The following NKAIN3 variants were observed in gnomAD, a reference collection of about 807,000 sequenced individuals.
The protein encoded by NKAIN3 is sodium/potassium-transporting ATPase subunit beta-1-interacting protein 3.
A neutral mutation model predicts 30.2 loss-of-function variants in NKAIN3; 25 were observed. The observed-to-expected ratio is 0.83, with a 90% confidence interval of 0.60 to 1.16. NKAIN3 has a LOEUF of 1.16. NKAIN3 is among the 50% of genes most tolerant of loss of function. NKAIN3 has a pLI of 0.00. For missense variants in NKAIN3, 225 were observed against 254.1 expected, an observed-to-expected ratio of 0.89 and a Z score of 0.78; for synonymous variants, 91 against 89.6, an observed-to-expected ratio of 1.02 and a Z score of -0.09.
chr8:62,412,657 G>GTAATCCCA (rs1804281170), intron 1 of NKAIN3, among the ~76,000 whole-genome samples: 2 of 151,922 alleles, frequency 1.3e-5, no homozygotes, highest in Non-Finnish European at 2.9e-5. Flanking sequence ...CACTTTGGGA[G>GTAATCCCA]GCAGAGGCGG....
intron 1 of NKAIN3, among the ~76,000 whole-genome samples, chr8:62,429,483 T>C (rs144713339): frequency 6.6e-6 from 1 of 152,098 alleles, no homozygotes; most frequent in Non-Finnish European, 1.5e-5. Context: ...ATGATCTTTT[T>C]AATAGGTTAT....
chr8:62,823,924 C>T (rs1413618971), intron 4 of NKAIN3, among the ~76,000 whole-genome samples: 1 of 152,140 alleles, frequency 6.6e-6, no homozygotes, highest in Non-Finnish European at 1.5e-5. Context: ...TGGAAAGTTT[C>T]ATACAAGAAA....
At chr8:62,984,906 A>G (rs1030305660), downstream of NKAIN3, 2 of 152,224 alleles carry the variant, frequency 1.3e-5, no homozygotes, top group African/African-American at 4.8e-5. Flanking sequence ...GAAGTACAAG[A>G]TGACTACTGT....
intron 1 of NKAIN3, among the ~76,000 whole-genome samples, chr8:62,424,648 CAT>C (rs1272040761): frequency 6.6e-6 from 1 of 151,608 alleles, no homozygotes; most frequent in Non-Finnish European, 1.5e-5. Context: ...ATCCCAAAAA[CAT>C]AACAAGTATT....
At chr8:62,838,410 C>T (rs1819436170) in intron 4 of NKAIN3, among the ~76,000 whole-genome samples, 1 of 151,692 alleles carries the variant, frequency 6.6e-6, no homozygotes, top group South Asian at 2.1e-4. Flanking sequence ...TTAGGTGGGA[C>T]ATTTAGAAGA....
At chr8:62,518,840 T>C (rs1312802263) in intron 1 of NKAIN3, among the ~76,000 whole-genome samples, 4 of 152,036 alleles carry the variant, frequency 2.6e-5, no homozygotes, top group African/African-American at 9.7e-5. Context: ...GTGACCTGGA[T>C]TCTAGCTCAG....
At chr8:62,467,823 T>C (rs545630551) in intron 1 of NKAIN3, among the ~76,000 whole-genome samples, 24 of 152,158 alleles carry the variant, frequency 1.6e-4, no homozygotes, top group Non-Finnish European at 2.9e-4. Context: ...TGGAGTGCAG[T>C]GGCACGAGCT....
intron 1 of NKAIN3, among the ~76,000 whole-genome samples, chr8:62,471,525 G>A (rs1457294779): frequency 6.6e-6 from 1 of 152,134 alleles, no homozygotes; most frequent in East Asian, 1.9e-4. Context: ...CTGATACAAT[G>A]CCTTATATGC....
Position 62,393,953 on chromosome 8 carries a change from G to A in NKAIN3, c.54+144826G>A, listed in dbSNP as rs561772416. On this transcript the variant is annotated intron_variant, in intron 1 of 6. Coordinates refer to ENST00000623646, the MANE Select transcript of NKAIN3 (RefSeq NM_001304533.3). ...GCATGTTAGTTTATATCTTGAGAAT[G>A]TGTTAGACTCATTAGCTTTAGGAAG... 2.0e-4 allele frequency among the ~76,000 whole-genome samples: 31 copies of A among 152,228 alleles called. No individual in the cohort carries two copies. In the Middle Eastern group the frequency reaches 0.01, roughly 50 times the overall value.
chr8:62,983,522 CACATTT>C lies in NKAIN3; in HGVS notation c.*18116_*18121del, dbSNP rs1824132625. ...GGGAGTGATAAAAACAAATCAAATT[CACATTT>C]TAATTTAGGGAGTTTAGGAGATACA... On this transcript the variant is annotated 3_prime_UTR_variant, in exon 7 of 7. Coordinates refer to ENST00000623646, the MANE Select transcript of NKAIN3 (RefSeq NM_001304533.3). The C allele has an allele frequency of 1.3e-5, 2 of 152,184 alleles. No individual in the cohort carries two copies. Among genetic ancestry groups the C allele is most frequent in the African/African-American group, 4.8e-5 (2 of 41,436 alleles). The allele number at this position is 152,184 out of a possible 1,614,324, so 9.4% of individuals were successfully genotyped here.
intron 1 of NKAIN3, among the ~76,000 whole-genome samples, chr8:62,394,270 G>T (rs1273011399): frequency 6.6e-6 from 1 of 151,930 alleles, no homozygotes; most frequent in Admixed American, 6.6e-5. Context: ...CATGAATGGT[G>T]CTGAATCTTG....
At chr8:62,272,955 T>A (rs891812608) in intron 1 of NKAIN3, among the ~76,000 whole-genome samples, 1 of 152,188 alleles carries the variant, frequency 6.6e-6, no homozygotes, top group Admixed American at 6.5e-5. Flanking sequence ...GCTTTCTTGG[T>A]TAAGGGCCAG....
intron 3 of NKAIN3, among the ~76,000 whole-genome samples, chr8:62,720,166 G>A (rs1392476071): frequency 2.0e-5 from 3 of 152,066 alleles, no homozygotes; most frequent in East Asian, 3.9e-4. Context: ...AAAATAAGAA[G>A]CTATAATTCA....
intron 4 of NKAIN3, among the ~76,000 whole-genome samples, chr8:62,804,385 G>A (rs1019376262): frequency 1.3e-5 from 2 of 152,104 alleles, no homozygotes; most frequent in Admixed American, 6.6e-5. Flanking sequence ...GATGAACATT[G>A]ATGCAAAAAT....
chr8:62,406,261 G>A (rs1804061772), intron 1 of NKAIN3, among the ~76,000 whole-genome samples: 1 of 152,154 alleles, frequency 6.6e-6, no homozygotes, highest in African/African-American at 2.4e-5. Flanking sequence ...CATTGCTTAT[G>A]CTTTCAATGT....
intron 4 of NKAIN3, among the ~76,000 whole-genome samples, chr8:62,747,393 T>C (rs1016240017): frequency 6.6e-6 from 1 of 152,166 alleles, no homozygotes; most frequent in Non-Finnish European, 1.5e-5. Context: ...TGAAACAGTA[T>C]CACCATCCAC....
intron 4 of NKAIN3, among the ~76,000 whole-genome samples, chr8:62,822,786 C>T (rs1445335137): frequency 6.6e-6 from 1 of 152,112 alleles, no homozygotes; most frequent in Non-Finnish European, 1.5e-5. Flanking sequence ...AAGGAAACAT[C>T]CTGAGAAGTG....
At chr8:62,456,159 C>A (rs770829750) in intron 1 of NKAIN3, among the ~76,000 whole-genome samples, 1 of 152,080 alleles carries the variant, frequency 6.6e-6, no homozygotes, top group Non-Finnish European at 1.5e-5. Context: ...TCACAGTTGG[C>A]CACGAGTAAC....
intron 1 of NKAIN3, among the ~76,000 whole-genome samples, chr8:62,318,216 A>C (rs1439415124): frequency 6.6e-6 from 1 of 152,192 alleles, no homozygotes; most frequent in Non-Finnish European, 1.5e-5. Context: ...CAATCATGTC[A>C]TCTGCAAACA....
Sources: allele counts gnomAD v4.1 joint callset (sites outside exome capture counted in the v4.1 genomes callset), GRCh38; gene constraint gnomAD v4.1.1; transcripts MANE v1.5; gene names NCBI Gene and HGNC (gene_info 2026-07-23, HGNC 2026-07-21).